Variants in PROS1 observed in about 807,000 individuals in gnomAD.
PROS1 encodes the protein vitamin K-dependent protein S.
In PROS1, 29 loss-of-function variants were observed where a neutral mutation model predicts 75.9. The ratio of observed to expected loss-of-function variants is 0.38; its 90% confidence interval spans 0.28 to 0.52. PROS1 has a LOEUF of 0.52. Ranked by LOEUF, PROS1 falls within the 20% of genes least tolerant of loss-of-function variation. The pLI, the probability that PROS1 is intolerant of heterozygous loss-of-function variation, is 0.83. For missense variants in PROS1, 680 were observed against 810.3 expected, an observed-to-expected ratio of 0.84 and a Z score of 1.95; for synonymous variants, 245 against 280.6, an observed-to-expected ratio of 0.87 and a Z score of 1.27.
chr3:93,945,709 A>T (rs1412743187), intron 1 of PROS1, among the ~76,000 whole-genome samples: 1 of 152,194 alleles, frequency 6.6e-6, no homozygotes, highest in Admixed American at 6.5e-5. Context: ...TATCATACTG[A>T]ATGGGCAAAA....
intron 3 of PROS1, among the ~76,000 whole-genome samples, chr3:93,914,782 G>A (rs945149285): frequency 2.0e-5 from 3 of 152,100 alleles, no homozygotes; most frequent in Admixed American, 2.0e-4. Context: ...TACCCAAGCA[G>A]TGTACACTGT....
chr3:93,957,700 G>T (rs1264846586), intron 1 of PROS1, among the ~76,000 whole-genome samples: 1 of 152,066 alleles, frequency 6.6e-6, no homozygotes, highest in Non-Finnish European at 1.5e-5. Flanking sequence ...GTATTCTTGG[G>T]GGATTGGCTC....
rs553540325 is a variant in PROS1, at chr3:93,905,928, A to C, written c.470-13T>G. ...CATTCATTTATGTCTAAAACAGGAA[A>C]AAAATAAATTATTTTTAAAGTAATA... is the stretch of plus-strand genomic sequence containing the variant. On this transcript the variant is annotated splice_polypyrimidine_tract_variant and intron_variant, in intron 5 of 14. Coordinates refer to ENST00000394236, the MANE Select transcript of PROS1 (RefSeq NM_000313.4). 2 of 1,612,598 alleles carry C rather than the reference A, an allele frequency of 1.2e-6. No individual in the cohort carries two copies. Among genetic ancestry groups the C allele is most frequent in the Non-Finnish European group, 1.7e-6 (2 of 1,179,254 alleles).
At chr3:93,892,707 A>T (rs1222670530) in intron 10 of PROS1, among the ~76,000 whole-genome samples, 1 of 152,182 alleles carries the variant, frequency 6.6e-6, no homozygotes, top group Non-Finnish European at 1.5e-5. Flanking sequence ...GTAAAAAGTT[A>T]AAGACAGAGT....
intron 3 of PROS1, among the ~76,000 whole-genome samples, chr3:93,921,146 G>T (rs771675437): frequency 5.3e-5 from 8 of 152,164 alleles, no homozygotes; most frequent in African/African-American, 1.7e-4. Context: ...AGCCTCTTGA[G>T]TGGCTGGGAT....
intron 1 of PROS1, among the ~76,000 whole-genome samples, chr3:93,956,563 A>AC (rs57080075): frequency 6.5e-4 from 84 of 128,320 alleles, no homozygotes; most frequent in African/African-American, 1.4e-3. Context: ...CACACACACA[A>AC]ACACACACAC....
chr3:93,878,915 A>G (rs1035102801), intron 13 of PROS1, among the ~76,000 whole-genome samples: 2 of 152,116 alleles, frequency 1.3e-5, no homozygotes, highest in African/African-American at 4.8e-5. Context: ...TTAGGTATAG[A>G]TGCAGTAGGT....
At chr3:93,891,775 C>T (rs1708434108) in intron 10 of PROS1, among the ~76,000 whole-genome samples, 1 of 152,050 alleles carries the variant, frequency 6.6e-6, no homozygotes, top group Admixed American at 6.5e-5. Flanking sequence ...AAACTGACAA[C>T]TAGGTCCGGT....
At chr3:93,948,504 G>A (rs1213844664) in intron 1 of PROS1, among the ~76,000 whole-genome samples, 1 of 152,092 alleles carries the variant, frequency 6.6e-6, no homozygotes, top group Non-Finnish European at 1.5e-5. Context: ...TGTTGACAAT[G>A]GGGTGTTAAA....
At chr3:93,956,567 C>A (rs1222630339) in intron 1 of PROS1, among the ~76,000 whole-genome samples, 1 of 147,994 alleles carries the variant, frequency 6.8e-6, no homozygotes, top group African/African-American at 2.5e-5. Flanking sequence ...CACACAAACA[C>A]ACACACACAC....
At position 93,892,965 on chromosome 3, in the gene PROS1, C is replaced by G; in HGVS notation, c.1123G>C (p.Gly375Arg). ...NEHTSKITTG[G>R]DVINNGLWNM... ...CATAGACCATTATTAATAACATCAC[C>G]TCCAGTTGTGATTTTGGATGTATGT... is the stretch of plus-strand genomic sequence containing the variant. Residue 375 changes from glycine to arginine, a missense_variant, in exon 10 of 15, where the codon GGT (glycine) becomes CGT (arginine). Gly to Arg is a moderately radical substitution (Grantham distance 125). Coordinates refer to ENST00000394236, the MANE Select transcript of PROS1 (RefSeq NM_000313.4). 6.2e-7 allele frequency: 1 copy of G among 1,612,552 alleles called. No homozygotes were observed. The highest frequency in any genetic ancestry group is 8.5e-7 in the Non-Finnish European group (1 of 1,179,888).
At chr3:93,886,606 G>C (rs1459164573) in intron 10 of PROS1, 103 bp from the exon 11 acceptor site, 1 of 853,394 alleles carries the variant, frequency 1.2e-6, no homozygotes, top group African/African-American at 1.7e-5. Flanking sequence ...AAATACTTCT[G>C]TAAAGTAATC....
chr3:93,936,313 T>C (rs1313191349), intron 1 of PROS1, among the ~76,000 whole-genome samples: 2 of 152,126 alleles, frequency 1.3e-5, no homozygotes, highest in African/African-American at 4.8e-5. Flanking sequence ...TTTGCTATGC[T>C]CACTATTTGG....
At chr3:93,960,902 C>G (rs899406950) in intron 1 of PROS1, among the ~76,000 whole-genome samples, 2 of 150,572 alleles carry the variant, frequency 1.3e-5, no homozygotes, top group African/African-American at 4.9e-5. Context: ...CAGGTTTATT[C>G]CTTGAATAAA....
intron 1 of PROS1, among the ~76,000 whole-genome samples, chr3:93,936,653 C>T (rs1337335617): frequency 6.6e-6 from 1 of 152,062 alleles, no homozygotes; most frequent in Non-Finnish European, 1.5e-5. Flanking sequence ...TTTCTAGACT[C>T]CAGAACTGCA....
intron 1 of PROS1, among the ~76,000 whole-genome samples, chr3:93,935,503 G>C (rs1709169071): frequency 6.6e-6 from 1 of 151,970 alleles, no homozygotes; most frequent in Non-Finnish European, 1.5e-5. Flanking sequence ...AAAAGCAACA[G>C]GCAAAGTGTT....
At position 93,880,815 on chromosome 3, in the gene PROS1, A is replaced by C. The variant is rs775299723; in HGVS notation, c.1493-1501T>G. Among the ~76,000 whole-genome samples the C allele has an allele frequency of 9.8e-5, 15 of 152,360 alleles. 1 individual carries two copies. In the South Asian group the frequency reaches 1.0e-3, roughly 11 times the overall value. On this transcript the variant is annotated intron_variant, in intron 12 of 14. Transcript: ENST00000394236. ...CATGAAATGATTAATTACTTATTAA[A>C]GTAATTTTTTTAGATACAATATAAC...
At chr3:93,956,561 CAA>C (rs57455033) in intron 1 of PROS1, among the ~76,000 whole-genome samples, 142 of 45,480 alleles carry the variant, frequency 3.1e-3, no homozygotes, top group African/African-American at 8.5e-3. Flanking sequence ...CACACACACA[CAA>C]ACACACACAC....
At chr3:93,905,939 A>C in intron 5 of PROS1, 24 bp from the exon 6 acceptor site, 2 of 1,612,404 alleles carry the variant, frequency 1.2e-6, no homozygotes, top group Non-Finnish European at 1.7e-6. Context: ...AAAATAAATT[A>C]TTTTTAAAGT....
Sources: gnomAD v4.1 joint callset for allele counts (sites outside exome capture counted in the v4.1 genomes callset) on GRCh38, gnomAD v4.1.1 for gene constraint, MANE v1.5 for transcripts, NCBI Gene and HGNC (gene_info 2026-07-23, HGNC 2026-07-21) for gene names.